The following CD9 variants were observed in gnomAD, a reference collection of about 807,000 sequenced individuals.
The protein encoded by CD9 is CD9 molecule, also known as CD9 antigen.
In CD9, 10 loss-of-function variants were observed where a neutral mutation model predicts 31.4. The observed-to-expected ratio is 0.32, with a 90% CI of 0.20 to 0.54. CD9 has a LOEUF of 0.54. Among genes scored for constraint, CD9 ranks in the 20% least tolerant of loss-of-function variants. The pLI is 0.94. For synonymous variants in CD9, 113 were observed against 114.1 expected, an observed-to-expected ratio of 0.99 and a Z score of 0.06; for missense variants, 259 against 300.1, an observed-to-expected ratio of 0.86 and a Z score of 1.01.
In CD9 at chr12:6,226,175, G is replaced by C. The variant is rs560825595; in HGVS notation, c.175+641G>C. The stretch of plus-strand genomic sequence containing the variant: ...GCCTGGGATCCTCTGAACATGAACA[G>C]ACTTGGCAGGTTTCTTTCTACACTC... On this transcript the variant is annotated intron_variant, in intron 2 of 7. Transcript: ENST00000009180. Among the ~76,000 whole-genome samples, 24 of 152,250 alleles carry C rather than the reference G, an allele frequency of 1.6e-4. No individual in the cohort carries two copies. The South Asian group carries it at 4.8e-3, about 30-fold the overall frequency.
chr12:6,233,594 C>G (rs1313846402), intron 4 of CD9, 108 bp downstream of exon 4: 1 of 854,104 alleles, frequency 1.2e-6, no homozygotes, highest in Non-Finnish European at 2.0e-6. Flanking sequence ...CAGCTGTTGA[C>G]CAGGCCTCTT....
In CD9 at chr12:6,237,916, T is replaced by G. The variant is rs957624385; in HGVS notation, c.*88T>G. 9.5e-7 allele frequency: 1 copy of G among 1,053,076 alleles called. No individual in the cohort carries two copies. Among genetic ancestry groups the G allele is most frequent in the African/African-American group, 1.6e-5 (1 of 63,878 alleles). The allele number at this position is 1,053,076 out of a possible 1,614,324, so 65.2% of individuals were successfully genotyped here. On this transcript the variant is annotated 3_prime_UTR_variant, in exon 8 of 8. Transcript: ENST00000009180. ...TTTGTTTTGTTTTGTTTGTTGTTTG[T>G]TGTTTGTTTTTTTGCCACTAATTTT...
chr12:6,205,574 T>A (rs751502195), intron 1 of CD9, among the ~76,000 whole-genome samples: 1 of 152,174 alleles, frequency 6.6e-6, no homozygotes, highest in Non-Finnish European at 1.5e-5. Flanking sequence ...GATGAGAATC[T>A]CCCCCTTACA....
At chr12:6,233,303 G>T in intron 3 of CD9, 109 bp from the exon 4 acceptor site, 1 of 786,480 alleles carries the variant, frequency 1.3e-6, no homozygotes, top group Non-Finnish European at 2.2e-6. Context: ...TGTGTCACCA[G>T]ATGCCTGTTC....
chr12:6,202,184 G>T (rs1053427292), intron 1 of CD9, among the ~76,000 whole-genome samples: 20 of 152,298 alleles, frequency 1.3e-4, no homozygotes, highest in African/African-American at 4.6e-4. Context: ...TGCAGAGACT[G>T]ACTTCCCCCA....
At chr12:6,213,414 A>T (rs906649114) in intron 1 of CD9, among the ~76,000 whole-genome samples, 4 of 152,226 alleles carry the variant, frequency 2.6e-5, no homozygotes, top group African/African-American at 7.2e-5. Context: ...AAGACGGATA[A>T]AGAAGGGAAT....
At chr12:6,222,962 T>C (rs1466445760) in intron 1 of CD9, among the ~76,000 whole-genome samples, 1 of 152,178 alleles carries the variant, frequency 6.6e-6, no homozygotes, top group Non-Finnish European at 1.5e-5. Flanking sequence ...TCAGGGGAAG[T>C]AAGATGACTT....
intron 2 of CD9, among the ~76,000 whole-genome samples, chr12:6,229,276 T>C (rs1270182250): frequency 6.6e-6 from 1 of 152,148 alleles, no homozygotes; most frequent in Non-Finnish European, 1.5e-5. Context: ...CCCCTATCCA[T>C]GATGAGGTGC....
chr12:6,233,372 G>T (rs775447025), intron 3 of CD9, 40 bp from the exon 4 acceptor site: 1 of 1,489,176 alleles, frequency 6.7e-7, no homozygotes. Flanking sequence ...TGGCTGGTTG[G>T]CTGGGACTGT....
At position 6,225,327 on chromosome 12, in the gene CD9, G is replaced by A. The variant is rs998329422; in HGVS notation, c.67-99G>A. Reference sequence around the variant, plus strand: ...CGTATATGAGGGGCAGAGACCAAGGGTGGTCACAAAGTCCTTTGCAAGTCT... The same window carrying A: ...CGTATATGAGGGGCAGAGACCAAGGATGGTCACAAAGTCCTTTGCAAGTCT... On this transcript the variant is annotated intron_variant, in intron 1 of 7. Coordinates refer to ENST00000009180, the MANE Select transcript of CD9 (RefSeq NM_001769.4). 4 of 768,880 alleles carry A rather than the reference G, an allele frequency of 5.2e-6. No homozygotes were observed. In the East Asian group the frequency reaches 7.4e-5, roughly 14 times the overall value. The allele number at this position is 768,880 out of a possible 1,614,324, so 47.6% of individuals were successfully genotyped here. A position where few individuals can be genotyped will look rare whatever the true frequency, so the allele number is the denominator to read the frequency against.
chr12:6,205,329 C>T (rs776291938), intron 1 of CD9, among the ~76,000 whole-genome samples: 9 of 152,348 alleles, frequency 5.9e-5, no homozygotes, highest in East Asian at 5.8e-4. Context: ...GATTCCTCTG[C>T]ACACGCTCAC....
intron 1 of CD9, chr12:6,225,105 A>C (rs1565425359): frequency 1.0e-5 from 3 of 299,364 alleles, no homozygotes; most frequent in East Asian, 1.3e-4. Flanking sequence ...TTCTTGGTTT[A>C]GCATTGTGAG....
At position 6,200,493 on chromosome 12, in the gene CD9, C is replaced by T. The variant is rs374973095; in HGVS notation, c.-7C>T. 1.1e-5 allele frequency: 18 copies of T among 1,607,838 alleles called. No homozygotes were observed. The African/African-American group carries it at 2.4e-4, about 22-fold the overall frequency. On this transcript the variant is annotated 5_prime_UTR_variant, in exon 1 of 8. Transcript: ENST00000009180. ...CCCGTTCGGCCCAGGCTAAGTTAGC[C>T]CTCACCATGCCGGTCAAAGGAGGCA... is the stretch of plus-strand genomic sequence containing the variant.
Position 6,232,473 on chromosome 12 carries a change from G to A in CD9, c.176-159G>A. 1 of 655,354 alleles carries A rather than the reference G, an allele frequency of 1.5e-6. No individual in the cohort carries two copies. The highest frequency in any genetic ancestry group is 2.8e-6 in the Non-Finnish European group (1 of 363,460). 40.6% of individuals were successfully genotyped at this position (655,354 alleles called of 1,614,324 possible). A position where few individuals can be genotyped will look rare whatever the true frequency, so the allele number is the denominator to read the frequency against. ...GAGACCTGGGGCAGAGGTGGAAGAG[G>A]AGGCTGTATTTTAAGGAAAGGGAAC... On this transcript the variant is annotated intron_variant, in intron 2 of 7. Coordinates refer to ENST00000009180, the MANE Select transcript of CD9 (RefSeq NM_001769.4). This position sits in a 1 kb window ranked among gnomAD's most constrained non-coding sequence, Gnocchi z 4.8.
At chr12:6,226,725 C>T (rs1245110164) in intron 2 of CD9, among the ~76,000 whole-genome samples, 1 of 152,144 alleles carries the variant, frequency 6.6e-6, no homozygotes, top group African/African-American at 2.4e-5. Context: ...TGAGAGAAAG[C>T]ACAATGTATG....
intron 2 of CD9, among the ~76,000 whole-genome samples, chr12:6,228,581 A>G (rs1432051524): frequency 7.1e-6 from 1 of 140,780 alleles, no homozygotes; most frequent in African/African-American, 2.7e-5. Flanking sequence ...AAAAAAAAAA[A>G]CAGCAGCACA....
intron 7 of CD9, chr12:6,236,669 C>G (rs1205002937): frequency 2.4e-6 from 1 of 417,766 alleles, no homozygotes; most frequent in Non-Finnish European, 4.2e-6. Flanking sequence ...TGAAGTGCAT[C>G]TGAACATGGG....
At chr12:6,218,413 C>A (rs1381659115) in intron 1 of CD9, among the ~76,000 whole-genome samples, 5 of 152,184 alleles carry the variant, frequency 3.3e-5, no homozygotes, top group African/African-American at 1.2e-4. Flanking sequence ...TGCCCTCCCC[C>A]ACACTGAAAC....
rs185943368 is a variant in CD9 at position 6,237,289 on chromosome 12, C to T, written c.622-474C>T. On this transcript the variant is annotated intron_variant, in intron 7 of 7. Transcript: ENST00000009180. The stretch of plus-strand genomic sequence containing the variant: ...TGTGCCCAGCCAAGATATAACAATA[C>T]GTTTTAAAATAGAATATTAACATTT... 3.8e-3 allele frequency among the ~76,000 whole-genome samples: 580 copies of T among 152,070 alleles called. 4 individuals are homozygous for T. The highest frequency in any genetic ancestry group is 0.013 in the African/African-American group (543 of 41,480).
Sources: gnomAD v4.1 joint callset for allele counts (sites outside exome capture counted in the v4.1 genomes callset) on GRCh38, gnomAD v4.1.1 for gene constraint, Gnocchi (gnomAD v3.1) non-coding constraint, MANE v1.5 for transcripts, NCBI Gene and HGNC (gene_info 2026-07-23, HGNC 2026-07-21) for gene names.